RTN4RL2: variants seen among roughly 807,000 people sequenced by gnomAD.
RTN4RL2 encodes reticulon 4 receptor like 2.
A neutral mutation model predicts 27.8 loss-of-function variants in RTN4RL2; 9 were observed. The ratio of observed to expected loss-of-function variants is 0.32; its 90% confidence interval spans 0.20 to 0.57. The LOEUF is 0.57. Among genes scored for constraint, RTN4RL2 ranks in the 20% least tolerant of loss-of-function variants. The pLI is 0.90. For missense variants in RTN4RL2, 436 were observed against 596.8 expected (o/e 0.73, Z 2.81); for synonymous variants, 285 against 297.9 (o/e 0.96, Z 0.45).
chr11:57,460,825 GCCCTCCCCCCGCTGCC>G lies in RTN4RL2; in HGVS notation c.-31_-16del. The stretch of plus-strand genomic sequence containing the variant: ...GCGGGCTCAGGGAGCGAGTGGGAGC[GCCCTCCCCCCGCTGCC>G]CCCTCCCCCGAGCATCGAGACAAGA... On this transcript the variant is annotated 5_prime_UTR_variant, in exon 1 of 3. Coordinates refer to ENST00000335099, the MANE Select transcript of RTN4RL2 (RefSeq NM_178570.3). The G allele has an allele frequency of 8.5e-6, 11 of 1,298,526 alleles. No individual in the cohort carries two copies. The highest frequency in any genetic ancestry group is 3.1e-5 in the Admixed American group (1 of 32,550). 80.4% of individuals were successfully genotyped at this position (1,298,526 alleles called of 1,614,324 possible).
At chr11:57,465,861 A>G (rs1943519576) in intron 1 of RTN4RL2, among the ~76,000 whole-genome samples, 1 of 151,988 alleles carries the variant, frequency 6.6e-6, no homozygotes, top group South Asian at 2.1e-4. Flanking sequence ...AAAAAAAAAA[A>G]AAAGCTTTGG....
intron 2 of RTN4RL2, among the ~76,000 whole-genome samples, chr11:57,469,916 G>A (rs1037360008): frequency 2.6e-5 from 4 of 152,222 alleles, no homozygotes; most frequent in Admixed American, 6.5e-5. Flanking sequence ...AACCATTGTC[G>A]GTGTGACCGG....
intron 1 of RTN4RL2, among the ~76,000 whole-genome samples, chr11:57,465,001 C>G (rs1459778662): frequency 6.6e-6 from 1 of 152,300 alleles, no homozygotes; most frequent in Non-Finnish European, 1.5e-5. Flanking sequence ...GCACGGGGCC[C>G]GGCGCTCACA....
intron 2 of RTN4RL2, among the ~76,000 whole-genome samples, chr11:57,473,666 A>C (rs934814693): frequency 6.6e-6 from 1 of 151,880 alleles, no homozygotes; most frequent in South Asian, 2.1e-4. Flanking sequence ...TTAACAGTGG[A>C]GAGAGGAAGG....
chr11:57,471,928 G>A (rs1298194866), intron 2 of RTN4RL2, among the ~76,000 whole-genome samples: 2 of 151,786 alleles, frequency 1.3e-5, no homozygotes, highest in African/African-American at 2.4e-5. Flanking sequence ...GCACGATCTC[G>A]GCTCACTGCA....
chr11:57,474,596 G>A (rs181079820), intron 2 of RTN4RL2, among the ~76,000 whole-genome samples: 1 of 152,328 alleles, frequency 6.6e-6, no homozygotes, highest in African/African-American at 2.4e-5. Flanking sequence ...CCCTGCACAA[G>A]AGGGGAGGAC....
Position 57,467,769 on chromosome 11 carries a change from A to C in RTN4RL2, c.192A>C (p.Arg64=). 1 of 1,612,512 alleles carries C rather than the reference A, an allele frequency of 6.2e-7. No homozygotes were observed. The highest frequency in any genetic ancestry group is 8.5e-7 in the Non-Finnish European group (1 of 1,179,750). ...TGTCCCTGCCACCCAGCACTCAGCG[A>C]CTCTTCCTGCAGAACAACCTCATCC... The part of the protein sequence containing the change: ...VPLSLPPSTQ[R]LFLQNNLIRT... The change falls in exon 2 of 3, where the codon CGA becomes CGC. Residue 64 remains arginine (R), a synonymous_variant. Coordinates refer to ENST00000335099, the MANE Select transcript of RTN4RL2 (RefSeq NM_178570.3). The surrounding 1 kb of genome is among the most constrained non-coding windows in gnomAD (Gnocchi z 5.5).
At chr11:57,463,366 G>T (rs1943497382) in intron 1 of RTN4RL2, among the ~76,000 whole-genome samples, 1 of 152,176 alleles carries the variant, frequency 6.6e-6, no homozygotes, top group Non-Finnish European at 1.5e-5. Flanking sequence ...GCTGACTTTA[G>T]AGGAGGGGGT....
At chr11:57,471,521 C>T (rs1318248612) in intron 2 of RTN4RL2, among the ~76,000 whole-genome samples, 1 of 152,214 alleles carries the variant, frequency 6.6e-6, no homozygotes, top group African/African-American at 2.4e-5. Context: ...CTGTGAACTG[C>T]CTGGTAGGGC....
chr11:57,476,175 C>A lies in RTN4RL2; in HGVS notation c.527C>A (p.Ala176Glu). Residue 176 changes from alanine (A) to glutamate (E), a missense_variant, in exon 3 of 3, where the codon GCG (alanine) becomes GAG (glutamate). By Grantham distance (107) the Ala-to-Glu change is moderately radical. Around this residue, in one of 3 missense-constraint regions of RTN4RL2, gnomAD observed 365 missense variants for 530.5 expected, o/e 0.69. Transcript: ENST00000335099. This position sits in a 1 kb window ranked among gnomAD's most constrained non-coding sequence, Gnocchi z 8.2. ...SLLHLQDDLFADLANLSHLFL... is the reference protein window; with the variant it reads ...SLLHLQDDLFEDLANLSHLFL... ...CACCCCACCCAGGATGACTTGTTCGCGGACCTGGCCAACCTGAGCCACCTC... is the reference window on the plus strand; with the variant it reads ...CACCCCACCCAGGATGACTTGTTCGAGGACCTGGCCAACCTGAGCCACCTC... 1.9e-6 allele frequency: 3 copies of A among 1,606,070 alleles called. No individual in the cohort carries two copies. Among genetic ancestry groups the A allele is most frequent in the South Asian group, 2.2e-5 (2 of 90,120 alleles).
intron 1 of RTN4RL2, among the ~76,000 whole-genome samples, chr11:57,465,539 G>A (rs975404233): frequency 6.6e-6 from 1 of 152,192 alleles, no homozygotes; most frequent in Non-Finnish European, 1.5e-5. Flanking sequence ...GTCACTGTGT[G>A]CCCAGGGAAT....
chr11:57,468,332 C>T (rs1362426286), intron 2 of RTN4RL2, among the ~76,000 whole-genome samples: 1 of 152,118 alleles, frequency 6.6e-6, no homozygotes, highest in Non-Finnish European at 1.5e-5. Flanking sequence ...CTCTCTCCCT[C>T]TAACTCCACA....
At position 57,476,949 on chromosome 11, in the gene RTN4RL2, C is replaced by T; in HGVS notation, c.*38C>T. The T allele has an allele frequency of 6.6e-7, 1 of 1,511,416 alleles. No homozygotes were observed. The highest frequency in any genetic ancestry group is 2.6e-5 in the East Asian group (1 of 38,158). 93.6% of individuals were successfully genotyped at this position (1,511,416 alleles called of 1,614,324 possible). ...GATCGAAGAGGCCAGTGTCCGATCCCCGCTTCCCGTCCACCCGGGGCTGCG... is the reference window on the plus strand; with the variant it reads ...GATCGAAGAGGCCAGTGTCCGATCCTCGCTTCCCGTCCACCCGGGGCTGCG... On this transcript the variant is annotated 3_prime_UTR_variant, in exon 3 of 3. Coordinates refer to ENST00000335099, the MANE Select transcript of RTN4RL2 (RefSeq NM_178570.3). This position sits in a 1 kb window ranked among gnomAD's most constrained non-coding sequence, Gnocchi z 8.2.
chr11:57,464,892 G>A (rs1453341861), intron 1 of RTN4RL2, among the ~76,000 whole-genome samples: 1 of 152,216 alleles, frequency 6.6e-6, no homozygotes, highest in Admixed American at 6.5e-5. Context: ...CGCCGCACGG[G>A]GGAGGGGTGA....
In RTN4RL2 at chr11:57,476,980, G is replaced by A. The variant is rs1354120398; in HGVS notation, c.*69G>A. On this transcript the variant is annotated 3_prime_UTR_variant, in exon 3 of 3. Transcript: ENST00000335099. The surrounding 1 kb of genome is among the most constrained non-coding windows in gnomAD (Gnocchi z 8.2). ...CCCGTCCACCCGGGGCTGCGGCTCCGGCCCCAGTCGCCCCACCTTCCCTGG... is the reference window on the plus strand; with the variant it reads ...CCCGTCCACCCGGGGCTGCGGCTCCAGCCCCAGTCGCCCCACCTTCCCTGG... The A allele has an allele frequency of 4.1e-6, 6 of 1,447,012 alleles. No individual in the cohort carries two copies. In the Admixed American group the frequency reaches 1.4e-4, roughly 34 times the overall value. The allele number at this position is 1,447,012 out of a possible 1,614,324, so 89.6% of individuals were successfully genotyped here.
At chr11:57,475,568 G>A (rs1269587135) in intron 2 of RTN4RL2, among the ~76,000 whole-genome samples, 1 of 151,938 alleles carries the variant, frequency 6.6e-6, no homozygotes, top group African/African-American at 2.4e-5. Context: ...AAAGAATAAT[G>A]GCTAACTCAT....
rs753317435 is a variant in RTN4RL2 at position 57,476,248 on chromosome 11, C to T, written c.600C>T (p.Arg200=). 6 of 1,612,552 alleles carry T rather than the reference C, an allele frequency of 3.7e-6. No individual in the cohort carries two copies. In the South Asian group the frequency reaches 5.5e-5, roughly 15 times the overall value. The stretch of plus-strand genomic sequence containing the variant: ...GGCTGCTCACAGAGCACGTGTTTCG[C>T]GGCCTGGGCAGCCTGGACCGGCTGC... The part of the protein sequence containing the change: ...RLRLLTEHVF[R]GLGSLDRLLL... Residue 200 remains arginine, a synonymous_variant, in exon 3 of 3, where the codon CGC becomes CGT. Transcript: ENST00000335099. This position sits in a 1 kb window ranked among gnomAD's most constrained non-coding sequence, Gnocchi z 8.2.
At chr11:57,460,951 G>C in intron 1 of RTN4RL2, 55 bp downstream of exon 1, 1 of 1,197,394 alleles carries the variant, frequency 8.4e-7, no homozygotes, top group Non-Finnish European at 1.1e-6. Context: ...GAAGCAGGGC[G>C]TCCCCTCTTT....
Position 57,476,048 on chromosome 11 carries a change from C to A in RTN4RL2, c.514-114C>A. On this transcript the variant is annotated intron_variant, in intron 2 of 2. Coordinates refer to ENST00000335099, the MANE Select transcript of RTN4RL2 (RefSeq NM_178570.3). This position sits in a 1 kb window ranked among gnomAD's most constrained non-coding sequence, Gnocchi z 8.2. ...GATGCTATGAATCAAAAGGTCAACC[C>A]TTTCTCTTCTGCCACGGTGCACCCC... The A allele has an allele frequency of 9.8e-7, 1 of 1,018,808 alleles. No individual in the cohort carries two copies. The highest frequency in any genetic ancestry group is 1.5e-6 in the Non-Finnish European group (1 of 684,206). The allele number at this position is 1,018,808 out of a possible 1,614,324, so 63.1% of individuals were successfully genotyped here. A position where few individuals can be genotyped will look rare whatever the true frequency, so the allele number is the denominator to read the frequency against.
Sources: gnomAD v4.1 joint callset for allele counts (sites outside exome capture counted in the v4.1 genomes callset) on GRCh38, gnomAD v4.1.1 for gene constraint, gnomAD v4.1.1 regional missense constraint, Gnocchi (gnomAD v3.1) non-coding constraint, MANE v1.5 for transcripts, NCBI Gene and HGNC (gene_info 2026-07-23, HGNC 2026-07-21) for gene names.